CNKSR1: variants seen among roughly 807,000 people sequenced by gnomAD.
The protein encoded by CNKSR1 is connector enhancer of kinase suppressor of Ras 1.
In CNKSR1, 88 loss-of-function variants were observed where a neutral mutation model predicts 95.6. The ratio of observed to expected loss-of-function variants is 0.92; its 90% CI spans 0.78 to 1.10. The LOEUF (loss-of-function observed/expected upper bound fraction) is 1.10. CNKSR1 is among the 50% of genes least tolerant of loss of function. The pLI, the probability that CNKSR1 is intolerant of heterozygous loss-of-function variation, is 0.00. For missense variants in CNKSR1, 836 were observed against 912.0 expected, an observed-to-expected ratio of 0.92 and a Z score of 1.07; for synonymous variants, 355 against 369.7, an observed-to-expected ratio of 0.96 and a Z score of 0.46.
At chr1:26,179,424 C>T (rs955708031) in intron 1 of CNKSR1, among the ~76,000 whole-genome samples, 6 of 152,134 alleles carry the variant, frequency 3.9e-5, no homozygotes, top group East Asian at 1.9e-4. Context: ...CTTGCAAGGA[C>T]GCTGAGGTAA....
chr1:26,187,648 A>T (rs1371320610), intron 16 of CNKSR1, among the ~76,000 whole-genome samples, 166 bp downstream of exon 16: 12 of 136,466 alleles, frequency 8.8e-5, no homozygotes, highest in Non-Finnish European at 1.7e-4. Context: ...TTTGAGACAG[A>T]GTCTCACTAT....
intron 3 of CNKSR1, 119 bp from the exon 4 acceptor site, chr1:26,181,738 A>G (rs2088650485): frequency 1.0e-6 from 1 of 966,488 alleles, no homozygotes; most frequent in East Asian, 2.5e-5. Context: ...TTTACTCTAA[A>G]CCAAAACCCA....
At chr1:26,185,770 T>C (rs2088739996) in intron 14 of CNKSR1, among the ~76,000 whole-genome samples, 2 of 151,838 alleles carry the variant, frequency 1.3e-5, no homozygotes, top group African/African-American at 4.8e-5. Flanking sequence ...GGCTCAAGCG[T>C]TCTGCCTGCT....
rs1159354729 is a variant in CNKSR1 at position 26,183,816 on chromosome 1, G to T, written c.841G>T (p.Glu281Ter). The change falls in exon 9 of 21, where the codon GAG becomes TAG. Residue 281 changes from glutamate to a stop codon, truncating the protein, a stop_gained. Transcript: ENST00000361530. LOFTEE classifies it high-confidence loss of function. The stretch of plus-strand genomic sequence containing the variant: ...AGTGCTGAAGAAGATCCCGATACCG[G>T]AGACCCCCCCACAGGTACCTTCCCC... ...SLVLKKIPIP[E>*]TPPQTPPQVL... The T allele has an allele frequency of 6.2e-7, 1 of 1,605,784 alleles. No individual in the cohort carries two copies. Among genetic ancestry groups the T allele is most frequent in the African/African-American group, 1.4e-5 (1 of 73,920 alleles).
rs144468434 is a variant in CNKSR1 at position 26,188,930 on chromosome 1, C to A, written c.1849C>A (p.Arg617=). 1 of 1,613,518 alleles carries A rather than the reference C, an allele frequency of 6.2e-7. No homozygotes were observed. The highest frequency in any genetic ancestry group is 1.3e-5 in the African/African-American group (1 of 75,002). ...PQLNERVHRV[R]ALQSTLKAKL... is the part of the protein sequence containing the mutation. Reference sequence around the variant, plus strand: ...GCTCAATGAGCGAGTGCACCGTGTGCGGGCGCTACAGAGCACACTCAAGGT... The same window carrying A: ...GCTCAATGAGCGAGTGCACCGTGTGAGGGCGCTACAGAGCACACTCAAGGT... Residue 617 remains arginine (R), a synonymous_variant, in exon 20 of 21, where the codon CGG becomes AGG. Coordinates refer to ENST00000361530, the MANE Select transcript of CNKSR1 (RefSeq NM_006314.3).
At position 26,189,482 on chromosome 1, in the gene CNKSR1, C is replaced by A. The variant is rs1165930147; in HGVS notation, c.2076C>A (p.Asp692Glu). Residue 692 changes from aspartate (D) to glutamate (E), a missense_variant, in exon 21 of 21, where the codon GAC (aspartate) becomes GAA (glutamate). Coordinates refer to ENST00000361530, the MANE Select transcript of CNKSR1 (RefSeq NM_006314.3). ...AGTCCCCCCACTCCCTGCCCTCTGA[C>A]CCTGAAGAGCACTCCCATCTCTGCC... ...TEQSPHSLPS[D>E]PEEHSHLCPL... 3 of 1,613,142 alleles carry A rather than the reference C, an allele frequency of 1.9e-6. No individual in the cohort carries two copies. Among genetic ancestry groups the A allele is most frequent in the Non-Finnish European group, 2.5e-6 (3 of 1,179,154 alleles).
intron 1 of CNKSR1, 61 bp from the exon 2 acceptor site, chr1:26,180,392 A>G: frequency 6.3e-7 from 1 of 1,596,324 alleles, no homozygotes; most frequent in East Asian, 2.2e-5. Context: ...AGGCATGAAG[A>G]ACCATCCCAA....
chr1:26,185,065 G>T lies in CNKSR1; in HGVS notation c.1187G>T (p.Arg396Leu). Residue 396 changes from arginine (R) to leucine (L), a missense_variant, in exon 14 of 21, where the codon CGG (arginine) becomes CTG (leucine). Physicochemically the swap from Arg to Leu is moderately radical, Grantham distance 102. Transcript: ENST00000361530. The stretch of plus-strand genomic sequence containing the variant: ...CGGGTGTCATGCCGTGAGCTGGGCC[G>T]GCCGGACTGTGACGGCTGGCTCCTG... ...RRRVSCRELG[R>L]PDCDGWLLLR... 1.2e-6 allele frequency: 2 copies of T among 1,605,278 alleles called. No homozygotes were observed. Among genetic ancestry groups the T allele is most frequent in the South Asian group, 1.1e-5 (1 of 90,344 alleles).
In CNKSR1 at chr1:26,187,412, G is replaced by T. The variant is rs776536893; in HGVS notation, c.1384G>T (p.Val462Leu). 1 of 1,614,120 alleles carries T rather than the reference G, an allele frequency of 6.2e-7. No individual in the cohort carries two copies. Among genetic ancestry groups the T allele is most frequent in the Non-Finnish European group, 8.5e-7 (1 of 1,180,006 alleles). Reference sequence around the variant, plus strand: ...TGATGCTCCTCCACTACCTGGCAGTGTGTTTCAGCTCACCCATGATGTGTA... The same window carrying T: ...TGATGCTCCTCCACTACCTGGCAGTTTGTTTCAGCTCACCCATGATGTGTA... ...ESGHDQKKKY[V>L]FQLTHDVYKP... Residue 462 changes from valine to leucine, a missense_variant and splice_region_variant, in exon 16 of 21, where the codon GTG becomes TTG. Transcript: ENST00000361530.
intron 1 of CNKSR1, among the ~76,000 whole-genome samples, chr1:26,179,991 CT>C (rs2088618682): frequency 6.6e-6 from 1 of 152,064 alleles, no homozygotes; most frequent in African/African-American, 2.4e-5. Context: ...CAAAAATTAG[CT>C]GGGTGTGGTG....
At chr1:26,184,547 A>G in intron 12 of CNKSR1, 38 bp from the exon 13 acceptor site, 4 of 1,607,578 alleles carry the variant, frequency 2.5e-6, no homozygotes, top group Non-Finnish European at 3.4e-6. Context: ...GTGGGTCTGG[A>G]CCTAGATCCT....
rs1557624870 is a variant in CNKSR1, at chr1:26,187,422, T to C, written c.1394T>C (p.Leu465Pro). 1.2e-6 allele frequency: 2 copies of C among 1,614,006 alleles called. No homozygotes were observed. The highest frequency in any genetic ancestry group is 3.3e-5 in the Admixed American group (2 of 60,018). ...HDQKKKYVFQ[L>P]THDVYKPFIF... ...CCACTACCTGGCAGTGTGTTTCAGC[T>C]CACCCATGATGTGTACAAACCCTTC... Residue 465 changes from leucine (L) to proline (P), a missense_variant, in exon 16 of 21, where the codon CTC becomes CCC. Physicochemically the swap from Leu to Pro is moderately conservative, Grantham distance 98. Coordinates refer to ENST00000361530, the MANE Select transcript of CNKSR1 (RefSeq NM_006314.3).
intron 6 of CNKSR1, 116 bp from the exon 7 acceptor site, chr1:26,183,081 G>C (rs530747733): frequency 5.8e-6 from 6 of 1,028,326 alleles, no homozygotes; most frequent in African/African-American, 4.7e-5. Flanking sequence ...GGACCAGCTT[G>C]GGGTCAGCTC....
rs1456147500 is a variant in CNKSR1 at position 26,188,244 on chromosome 1, C to T, written c.1465C>T (p.His489Tyr). Residue 489 changes from histidine (H) to tyrosine (Y), a missense_variant, in exon 17 of 21, where the codon CAT (histidine) becomes TAT (tyrosine). By Grantham distance (83) the His-to-Tyr change is moderately conservative. Transcript: ENST00000361530. ...TLTDLSMWVRHLITCISKYQS... is the reference protein window; with the variant it reads ...TLTDLSMWVRYLITCISKYQS... ...GCTTGCTCTCCATAGGTGGGTGCGTCATCTCATTACCTGCATCTCCAAGTA... is the reference window on the plus strand; with the variant it reads ...GCTTGCTCTCCATAGGTGGGTGCGTTATCTCATTACCTGCATCTCCAAGTA... The T allele has an allele frequency of 6.2e-7, 1 of 1,614,088 alleles. No individual in the cohort carries two copies.
intron 7 of CNKSR1, 24 bp from the exon 8 acceptor site, chr1:26,183,322 C>T (rs199796323): frequency 2.4e-5 from 38 of 1,614,084 alleles, no homozygotes; most frequent in Non-Finnish European, 3.1e-5. Context: ...CCAGGCCAAC[C>T]TCAGGCCCCA....
intron 1 of CNKSR1, among the ~76,000 whole-genome samples, chr1:26,178,007 G>GGTCA (rs1025645401): frequency 3.3e-5 from 5 of 152,172 alleles, no homozygotes; most frequent in Admixed American, 3.3e-4. Flanking sequence ...TCTATCAGTC[G>GGTCA]GTCAGTCAGT....
intron 16 of CNKSR1, among the ~76,000 whole-genome samples, chr1:26,187,970 T>C (rs1258763119): frequency 6.6e-6 from 1 of 151,706 alleles, no homozygotes; most frequent in African/African-American, 2.4e-5. Flanking sequence ...GGGTTTGCCC[T>C]AGCTGGTCTC....
rs2088706483 is a variant in CNKSR1, at chr1:26,184,371, CT to C, written c.1001-27del. 3 of 1,605,602 alleles carry C rather than the reference CT, an allele frequency of 1.9e-6. No homozygotes were observed. The South Asian group carries it at 3.3e-5, about 18-fold the overall frequency. ...CCAAGCCTGGGACTGGGCTCATAGA[CT>C]TTCCCTCTCTCTCCTCCCTCCCTGA... On this transcript the variant is annotated intron_variant, in intron 11 of 20. Transcript: ENST00000361530.
At chr1:26,187,359 G>C in intron 15 of CNKSR1, 52 bp from the exon 16 acceptor site, 3 of 1,608,154 alleles carry the variant, frequency 1.9e-6, no homozygotes, top group Non-Finnish European at 2.6e-6. Context: ...AGCCTCTCTG[G>C]GCTGTGGGTG....
Sources: gnomAD v4.1 joint callset for allele counts (sites outside exome capture counted in the v4.1 genomes callset) on GRCh38, gnomAD v4.1.1 for gene constraint, MANE v1.5 for transcripts, NCBI Gene and HGNC (gene_info 2026-07-23, HGNC 2026-07-21) for gene names.